VPS51: variants seen among roughly 807,000 people sequenced by gnomAD.
VPS51 encodes VPS51 subunit of GARP complex.
In VPS51, 55 loss-of-function variants were observed where a neutral mutation model predicts 65.1. The ratio of observed to expected loss-of-function variants is 0.84; its 90% CI spans 0.68 to 1.06. The LOEUF is 1.06. Ranked by LOEUF, VPS51 falls within the 50% of genes least tolerant of loss-of-function variation. The pLI, the probability that VPS51 is intolerant of heterozygous loss-of-function variation, is 0.00. For synonymous variants in VPS51, 473 were observed against 489.5 expected, an observed-to-expected ratio of 0.97 and a Z score of 0.44; for missense variants, 943 against 1,101.6, an observed-to-expected ratio of 0.86 and a Z score of 2.04.
At chr11:65,105,906 C>T (rs117006395) in intron 2 of VPS51, among the ~76,000 whole-genome samples, 1,898 of 152,308 alleles carry the variant, frequency 0.012, 20 homozygotes, top group Non-Finnish European at 0.018. Context: ...GTGCATAGGG[C>T]GAGGTGTAGG....
chr11:65,106,024 C>T (rs1947839467), intron 2 of VPS51, among the ~76,000 whole-genome samples: 1 of 152,066 alleles, frequency 6.6e-6, no homozygotes. Context: ...GAGTGAGACT[C>T]TTTCTCAAAC....
intron 4 of VPS51, 60 bp downstream of exon 4, chr11:65,108,082 G>A: frequency 2.0e-6 from 3 of 1,493,508 alleles, no homozygotes; most frequent in South Asian, 1.3e-5. Context: ...ATCTGTGCCC[G>A]GCTCCTGGGC....
rs759682175 is a variant in VPS51, at chr11:65,107,555, C to A, written c.359-26C>A. On this transcript the variant is annotated intron_variant, in intron 2 of 9. Coordinates refer to ENST00000279281, the MANE Select transcript of VPS51 (RefSeq NM_013265.4). This position sits in a 1 kb window ranked among gnomAD's most constrained non-coding sequence, Gnocchi z 4.0. ...CCCGCCCTGCAGTCACCTGCTCTCC[C>A]CTTTTCCCCGCCCCTGCCCTCCTAG... The A allele has an allele frequency of 6.4e-7, 1 of 1,560,834 alleles. No individual in the cohort carries two copies. Among genetic ancestry groups the A allele is most frequent in the Admixed American group, 1.8e-5 (1 of 57,090 alleles).
At position 65,110,608 on chromosome 11, in the gene VPS51, G is replaced by A. The variant is rs1426166481; in HGVS notation, c.2000+5G>A. On this transcript the variant is annotated splice_donor_5th_base_variant and intron_variant, in intron 8 of 9. Transcript: ENST00000279281. ...CGCCCCCAGCTATACCCCCAGGTCT[G>A]GCTGGTCAGGGGAGCCCCAGGGGGA... 4 of 1,613,974 alleles carry A rather than the reference G, an allele frequency of 2.5e-6. No homozygotes were observed. In the Admixed American group the frequency reaches 6.7e-5, roughly 27 times the overall value.
At chr11:65,099,263 G>C (rs971580009) in intron 2 of VPS51, among the ~76,000 whole-genome samples, 1 of 152,186 alleles carries the variant, frequency 6.6e-6, no homozygotes, top group African/African-American at 2.4e-5. Flanking sequence ...TCAGGAAGGA[G>C]GGGGGTGGAA....
At chr11:65,100,847 A>G (rs750441239) in intron 2 of VPS51, among the ~76,000 whole-genome samples, 5 of 152,144 alleles carry the variant, frequency 3.3e-5, no homozygotes, top group Non-Finnish European at 7.3e-5. Context: ...TGCCTGGCCA[A>G]TAGCAGCACT....
Position 65,097,119 on chromosome 11 carries a change from C to T in VPS51, c.350C>T (p.Ser117Leu). The T allele has an allele frequency of 1.9e-6, 3 of 1,613,922 alleles. No homozygotes were observed. The highest frequency in any genetic ancestry group is 1.7e-6 in the Non-Finnish European group (2 of 1,179,960). ...LVYENYNKFI[S>L]ATDTIRKMKN... is the part of the protein sequence containing the mutation. ...TATGAGAACTACAACAAGTTCATCT[C>T]AGCCACAGGTGATCCCCACGGGGAC... The change falls in exon 2 of 10, where the codon TCA (serine) becomes TTA (leucine). Residue 117 changes from serine (S) to leucine (L), a missense_variant. This residue lies in a region of VPS51 where 855 missense variants were observed against 953.7 expected (regional missense o/e 0.90). Coordinates refer to ENST00000279281, the MANE Select transcript of VPS51 (RefSeq NM_013265.4).
chr11:65,108,126 T>C, intron 4 of VPS51, 71 bp from the exon 5 acceptor site: 1 of 1,554,562 alleles, frequency 6.4e-7, no homozygotes, highest in Non-Finnish European at 8.6e-7. Context: ...CTGTGTGTGC[T>C]TTGCTTTCCT....
At chr11:65,109,006 C>A in intron 5 of VPS51, 92 bp downstream of exon 5, 12 of 1,444,766 alleles carry the variant, frequency 8.3e-6, no homozygotes, top group African/African-American at 1.4e-5. Context: ...GGAAACCAGG[C>A]ACTCTGGGTG....
intron 7 of VPS51, 64 bp from the exon 8 acceptor site, chr11:65,110,418 G>C (rs1262950523): frequency 7.4e-6 from 12 of 1,612,140 alleles, no homozygotes; most frequent in Non-Finnish European, 1.0e-5. Flanking sequence ...GGCATCCTCA[G>C]CACCGATGGG....
chr11:65,111,272 G>A, intron 9 of VPS51, 55 bp from the exon 10 acceptor site: 2 of 1,597,508 alleles, frequency 1.3e-6, no homozygotes, highest in Admixed American at 1.7e-5. Context: ...GAACTTGGGT[G>A]TCCCCCACAC....
At chr11:65,108,081 C>A (rs982284700) in intron 4 of VPS51, 59 bp downstream of exon 4, 2 of 1,494,500 alleles carry the variant, frequency 1.3e-6, no homozygotes, top group Non-Finnish European at 1.8e-6. Flanking sequence ...CATCTGTGCC[C>A]GGCTCCTGGG....
intron 2 of VPS51, among the ~76,000 whole-genome samples, chr11:65,106,019 A>C (rs1259515889): frequency 6.6e-6 from 1 of 152,180 alleles, no homozygotes; most frequent in Non-Finnish European, 1.5e-5. Flanking sequence ...TGACAGAGTG[A>C]GACTCTTTCT....
At position 65,111,512 on chromosome 11, in the gene VPS51, C is replaced by T. The variant is rs748734906; in HGVS notation, c.2274C>T (p.Ala758=). 7 of 1,613,462 alleles carry T rather than the reference C, an allele frequency of 4.3e-6. No individual in the cohort carries two copies. Among genetic ancestry groups the T allele is most frequent in the East Asian group, 2.2e-5 (1 of 44,902 alleles). The part of the protein sequence containing the change: ...LVHLLLDEVV[A]SAALRCPDPV... ...ACTTGCTGCTGGACGAAGTGGTGGC[C>T]TCTGCTGCCCTGCGCTGCCCAGACC... The change falls in exon 10 of 10, where the codon GCC becomes GCT. Residue 758 remains alanine, a synonymous_variant. Transcript: ENST00000279281.
At chr11:65,109,040 T>A in intron 5 of VPS51, 126 bp downstream of exon 5, 1 of 1,242,140 alleles carries the variant, frequency 8.1e-7, no homozygotes, top group Non-Finnish European at 1.2e-6. Flanking sequence ...TTATGCACGG[T>A]CTGGGGGGTG....
chr11:65,109,958 A>C, intron 7 of VPS51, 35 bp downstream of exon 7: 1 of 1,549,962 alleles, frequency 6.5e-7, no homozygotes, highest in Non-Finnish European at 8.7e-7. Context: ...GCCCTGACGC[A>C]GGCTGGGGGT....
chr11:65,101,029 A>G (rs1224379677), intron 2 of VPS51, among the ~76,000 whole-genome samples: 1 of 152,238 alleles, frequency 6.6e-6, no homozygotes, highest in African/African-American at 2.4e-5. Flanking sequence ...TATGCCTATG[A>G]TTCCATTTCT....
At position 65,108,929 on chromosome 11, in the gene VPS51, G is replaced by A. The variant is rs377512003; in HGVS notation, c.1443+15G>A. ...CCTACTTCCGGGTACGCCTCCTCTT[G>A]GGTGTTCCTTGTTCAACCTGCTGGT... On this transcript the variant is annotated intron_variant, in intron 5 of 9. Coordinates refer to ENST00000279281, the MANE Select transcript of VPS51 (RefSeq NM_013265.4). The A allele has an allele frequency of 2.5e-5, 41 of 1,611,724 alleles. 1 individual carries two copies. Among genetic ancestry groups the A allele is most frequent in the East Asian group, 2.2e-4 (10 of 44,888 alleles).
chr11:65,111,294 C>T (rs769023070), intron 9 of VPS51, 33 bp from the exon 10 acceptor site: 1 of 1,599,238 alleles, frequency 6.3e-7, no homozygotes, highest in South Asian at 1.1e-5. Context: ...CACCTGCAGT[C>T]CCCAAGCTGC....
Sources: allele counts gnomAD v4.1 joint callset (sites outside exome capture counted in the v4.1 genomes callset), GRCh38; gene constraint gnomAD v4.1.1; regional missense constraint gnomAD v4.1.1; non-coding constraint Gnocchi (gnomAD v3.1); transcripts MANE v1.5; gene names NCBI Gene and HGNC (gene_info 2026-07-23, HGNC 2026-07-21).